EBF2: variants seen among roughly 807,000 people sequenced by gnomAD.
EBF2 encodes the protein EBF transcription factor 2.
In EBF2, 21 loss-of-function variants were observed where a neutral mutation model predicts 72.8. That is an observed-to-expected ratio of 0.29 (90% confidence interval 0.20 to 0.42). The LOEUF is 0.42. Ranked by LOEUF, EBF2 falls within the 10% of genes least tolerant of loss-of-function variation. The pLI, the probability that EBF2 is intolerant of heterozygous loss-of-function variation, is 1.00. For synonymous variants in EBF2, 299 were observed against 274.2 expected, an observed-to-expected ratio of 1.09 and a Z score of -0.89; for missense variants, 637 against 731.2, an observed-to-expected ratio of 0.87 and a Z score of 1.49.
chr8:25,872,194 G>C (rs1802449840), intron 10 of EBF2, among the ~76,000 whole-genome samples: 1 of 152,170 alleles, frequency 6.6e-6, no homozygotes, highest in Non-Finnish European at 1.5e-5. Context: ...TTACAGCCTT[G>C]ACACTGCAGG....
chr8:25,940,139 A>C (rs1293300853), intron 6 of EBF2, among the ~76,000 whole-genome samples: 1 of 152,248 alleles, frequency 6.6e-6, no homozygotes, highest in Non-Finnish European at 1.5e-5. Flanking sequence ...ATAGACTATT[A>C]GAACTGGAAG....
intron 6 of EBF2, among the ~76,000 whole-genome samples, chr8:26,018,796 T>A (rs1805156352): frequency 6.6e-6 from 1 of 152,062 alleles, no homozygotes; most frequent in African/African-American, 2.4e-5. Flanking sequence ...TCCCTGAGCT[T>A]GGATAAACAT....
rs144305359 is a variant in EBF2 at position 25,882,617 on chromosome 8, A to G, written c.1009+4138T>C. 4.5e-4 allele frequency among the ~76,000 whole-genome samples: 69 copies of G among 152,324 alleles called. No individual in the cohort carries two copies. In the East Asian group the frequency reaches 0.013, roughly 28 times the overall value. On this transcript the variant is annotated intron_variant, in intron 10 of 15. Coordinates refer to ENST00000520164, the MANE Select transcript of EBF2 (RefSeq NM_022659.4). The stretch of plus-strand genomic sequence containing the variant: ...GTTGTTAAACCTTTGCCAGCCCACC[A>G]CAGTTGCCAGGCACTGTATCATTTA...
chr8:25,944,691 AATTAT>A (rs1163608956), intron 6 of EBF2, among the ~76,000 whole-genome samples: 1 of 147,876 alleles, frequency 6.8e-6, no homozygotes, highest in African/African-American at 2.5e-5. Context: ...ATAATATATA[AATTAT>A]ATTATGTATA....
intron 13 of EBF2, among the ~76,000 whole-genome samples, chr8:25,860,121 A>G (rs1317708878): frequency 2.0e-5 from 3 of 152,230 alleles, no homozygotes; most frequent in Non-Finnish European, 4.4e-5. Context: ...GGACCTCATT[A>G]GGAACATTTA....
intron 2 of EBF2, chr8:26,041,601 C>A (rs963158988): frequency 1.2e-5 from 2 of 160,956 alleles, no homozygotes; most frequent in Non-Finnish European, 2.7e-5. Context: ...TGAGACCGAA[C>A]CCAGCCCCCA....
chr8:25,963,234 A>G (rs1183358467), intron 6 of EBF2, among the ~76,000 whole-genome samples: 3 of 152,182 alleles, frequency 2.0e-5, no homozygotes, highest in African/African-American at 7.2e-5. Context: ...GGCACAGGGA[A>G]AATGACTCAT....
chr8:25,891,416 C>CA (rs1554565737), intron 7 of EBF2, among the ~76,000 whole-genome samples: 2 of 152,058 alleles, frequency 1.3e-5, no homozygotes, highest in Non-Finnish European at 2.9e-5. Flanking sequence ...TACTCACAAA[C>CA]ATGTGTAGAC....
At chr8:25,988,922 A>C (rs889989260) in intron 6 of EBF2, among the ~76,000 whole-genome samples, 1 of 152,248 alleles carries the variant, frequency 6.6e-6, no homozygotes, top group Admixed American at 6.5e-5. Context: ...TCTGCAAAAC[A>C]AGACTAATAC....
chr8:26,039,005 T>G (rs1805555859), intron 5 of EBF2, among the ~76,000 whole-genome samples: 1 of 152,122 alleles, frequency 6.6e-6, no homozygotes, highest in Non-Finnish European at 1.5e-5. Context: ...ATTGAGACTT[T>G]CCCTCCAATC....
At chr8:26,012,067 CAGAA>C (rs1281703451) in intron 6 of EBF2, among the ~76,000 whole-genome samples, 17 of 152,122 alleles carry the variant, frequency 1.1e-4, no homozygotes, top group African/African-American at 3.9e-4. Flanking sequence ...TATTCTAAGA[CAGAA>C]AGAAAGAATC....
intron 6 of EBF2, chr8:26,032,325 A>G (rs541341268): frequency 1.3e-5 from 2 of 152,338 alleles, no homozygotes; most frequent in South Asian, 2.1e-4. Context: ...GGTCTCTCCA[A>G]TCCATTTCAG....
chr8:26,033,270 G>A lies in EBF2; in HGVS notation c.483-117C>T, dbSNP rs528923738. On this transcript the variant is annotated intron_variant, in intron 5 of 15. Coordinates refer to ENST00000520164, the MANE Select transcript of EBF2 (RefSeq NM_022659.4). ...CAGAGTCTGGCTCTGTCACCAGGCT[G>A]TAGTACAATGGCTTGATGCCTCCTT... 7 of 945,840 alleles carry A rather than the reference G, an allele frequency of 7.4e-6. No individual in the cohort carries two copies. The East Asian group carries it at 1.5e-4, about 20-fold the overall frequency. The allele number at this position is 945,840 out of a possible 1,614,324, so 58.6% of individuals were successfully genotyped here. A position where few individuals can be genotyped will look rare whatever the true frequency, so the allele number is the denominator to read the frequency against.
chr8:25,887,893 G>A lies in EBF2; in HGVS notation c.831C>T (p.Asn277=), dbSNP rs377609287. Reference sequence around the variant, plus strand: ...ACACCACTTGGAGACCATCAAAGAAGTTGTCCCCGATGATGATGACCATGG... The same window carrying A: ...ACACCACTTGGAGACCATCAAAGAAATTGTCCCCGATGATGATGACCATGG... ...GGAMVIIIGD[N]FFDGLQVVFG... Residue 277 remains asparagine (N), a synonymous_variant, in exon 9 of 16, where the codon AAC becomes AAT. Transcript: ENST00000520164. The A allele has an allele frequency of 7.4e-6, 12 of 1,613,716 alleles. No individual in the cohort carries two copies. In the African/African-American group the frequency reaches 9.3e-5, roughly 13 times the overall value.
chr8:26,010,988 T>TAC lies in EBF2; in HGVS notation c.551+22095_551+22096dup, dbSNP rs36211488. On this transcript the variant is annotated intron_variant, in intron 6 of 15. Transcript: ENST00000520164. Reference sequence around the variant, plus strand: ...TTTTATATGCTTGCATATGTGTGCATACACACACACACACACACACACACA... The same window carrying TAC: ...TTTTATATGCTTGCATATGTGTGCATACACACACACACACACACACACACACA... Among the ~76,000 whole-genome samples the TAC allele has an allele frequency of 6.5e-3, 986 of 150,864 alleles. 9 individuals carry two copies. The highest frequency in any genetic ancestry group is 0.022 in the African/African-American group (903 of 41,210).
At chr8:25,882,232 C>G (rs866258929) in intron 10 of EBF2, among the ~76,000 whole-genome samples, 1 of 152,204 alleles carries the variant, frequency 6.6e-6, no homozygotes, top group African/African-American at 2.4e-5. Flanking sequence ...TCTGCATGCT[C>G]CCCTAGAGGT....
At chr8:26,011,925 T>G (rs1436226351) in intron 6 of EBF2, among the ~76,000 whole-genome samples, 2 of 152,054 alleles carry the variant, frequency 1.3e-5, no homozygotes, top group African/African-American at 4.8e-5. Flanking sequence ...GAATGCCTCC[T>G]CCTGAGTGGG....
chr8:25,950,733 T>A (rs1376823486), intron 6 of EBF2, among the ~76,000 whole-genome samples: 1 of 152,252 alleles, frequency 6.6e-6, no homozygotes, highest in Admixed American at 6.5e-5. Flanking sequence ...GGAACCATGA[T>A]CTTTGGGTTT....
intron 6 of EBF2, among the ~76,000 whole-genome samples, chr8:25,930,493 G>A (rs776392515): frequency 5.3e-5 from 8 of 152,056 alleles, no homozygotes; most frequent in Non-Finnish European, 1.0e-4. Context: ...TGCCTTGCAG[G>A]GACTCATTAA....
Sources: allele counts gnomAD v4.1 joint callset (sites outside exome capture counted in the v4.1 genomes callset), GRCh38; gene constraint gnomAD v4.1.1; transcripts MANE v1.5; gene names NCBI Gene and HGNC (gene_info 2026-07-23, HGNC 2026-07-21).